The following PCDHGA6 variants were observed in gnomAD, a reference collection of about 807,000 sequenced individuals.
PCDHGA6 encodes protocadherin gamma subfamily A, 6.
In PCDHGA6, 41 loss-of-function variants were observed where a neutral mutation model predicts 60.6. That is an observed-to-expected ratio of 0.68 (90% CI 0.53 to 0.88). The LOEUF (loss-of-function observed/expected upper bound fraction) is 0.88. Among genes scored for constraint, PCDHGA6 ranks in the 40% least tolerant of loss-of-function variants. The probability of loss-of-function intolerance (pLI) is 0.00; values close to 1 mark genes in which losing one functional copy is unlikely to be tolerated. For synonymous variants in PCDHGA6, 594 were observed against 524.4 expected (o/e 1.13, Z -1.81); for missense variants, 1,312 against 1,203.0 (o/e 1.09, Z -1.34).
intron 1 of PCDHGA6, chr5:141,440,087 A>C (rs1014881024): frequency 6.6e-6 from 1 of 152,316 alleles, no homozygotes; most frequent in African/African-American, 2.4e-5. Context: ...CTTCATTCTA[A>C]GTGGGGAAAG....
intron 1 of PCDHGA6, among the ~76,000 whole-genome samples, chr5:141,466,035 C>T (rs10054619): frequency 0.28 from 42,092 of 151,762 alleles, 6,545 homozygotes; most frequent in African/African-American, 0.42. Flanking sequence ...GGCAGGAGAA[C>T]GGCATGAACC....
At chr5:141,426,655 A>C (rs2096950037) in intron 1 of PCDHGA6, 1 of 424,748 alleles carries the variant, frequency 2.4e-6, no homozygotes, top group Non-Finnish European at 4.8e-6. Flanking sequence ...ATGATAGAAG[A>C]TATAAATGAT....
At chr5:141,404,221 T>C (rs1028021504) in intron 1 of PCDHGA6, 2 of 1,613,766 alleles carry the variant, frequency 1.2e-6, no homozygotes, top group Non-Finnish European at 1.7e-6. Context: ...TCACGGTGAC[T>C]GCAACAGACA....
rs1488042504 is a variant in PCDHGA6, at chr5:141,511,552, T to C, written c.*379T>C. ...CCTCCTCCCCACCCCACTCCAACAG[T>C]TCCTCTTTCCCGAGTAAGGTGGTTG... On this transcript the variant is annotated 3_prime_UTR_variant, in exon 4 of 4. Coordinates refer to ENST00000517434, the MANE Select transcript of PCDHGA6 (RefSeq NM_018919.3). 1.3e-5 allele frequency: 4 copies of C among 304,316 alleles called. No individual in the cohort carries two copies. The highest frequency in any genetic ancestry group is 2.6e-5 in the Non-Finnish European group (4 of 156,548). The allele number at this position is 304,316 out of a possible 1,614,324, so 18.9% of individuals were successfully genotyped here.
intron 1 of PCDHGA6, chr5:141,393,813 C>G (rs376904307): frequency 1.2e-6 from 2 of 1,613,814 alleles, no homozygotes; most frequent in Non-Finnish European, 8.5e-7. Flanking sequence ...GACCAAATTG[C>G]TCATTTCGGT....
At position 141,485,971 on chromosome 5, in the gene PCDHGA6, C is replaced by T; in HGVS notation, c.2425-8836C>T. On this transcript the variant is annotated intron_variant, in intron 1 of 3. Transcript: ENST00000517434. This position sits in a 1 kb window ranked among gnomAD's most constrained non-coding sequence, Gnocchi z 5.7. Reference sequence around the variant, plus strand: ...GCATGGTGCTCATCCAGCTCAATGCCTCAGACCCGGACCTGGGTCCCAGTG... The same window carrying T: ...GCATGGTGCTCATCCAGCTCAATGCTTCAGACCCGGACCTGGGTCCCAGTG... The T allele has an allele frequency of 6.2e-7, 1 of 1,614,196 alleles. No individual in the cohort carries two copies. The highest frequency in any genetic ancestry group is 8.5e-7 in the Non-Finnish European group (1 of 1,180,042).
rs964965013 is a variant in PCDHGA6 at position 141,489,097 on chromosome 5, C to G, written c.2425-5710C>G. The G allele has an allele frequency of 6.4e-6, 2 of 313,448 alleles. No homozygotes were observed. The highest frequency in any genetic ancestry group is 1.1e-4 in the South Asian group (2 of 18,596). 19.4% of individuals were successfully genotyped at this position (313,448 alleles called of 1,614,324 possible). The stretch of plus-strand genomic sequence containing the variant: ...ACCCCCGCCACTCGGTGACTAAGAA[C>G]TGCTGCAAGCAGGCAAACCTCCGAG... On this transcript the variant is annotated intron_variant, in intron 1 of 3. Coordinates refer to ENST00000517434, the MANE Select transcript of PCDHGA6 (RefSeq NM_018919.3). This position sits in a 1 kb window ranked among gnomAD's most constrained non-coding sequence, Gnocchi z 4.5.
At chr5:141,421,371 T>C in intron 1 of PCDHGA6, 2 of 1,614,028 alleles carry the variant, frequency 1.2e-6, no homozygotes, top group Non-Finnish European at 1.7e-6. Flanking sequence ...TCGTGGGCAA[T>C]ATCTCCAAGG....
intron 1 of PCDHGA6, chr5:141,400,570 T>C: frequency 6.2e-7 from 1 of 1,612,974 alleles, no homozygotes; most frequent in Non-Finnish European, 8.5e-7. Context: ...CACCCAATTT[T>C]CTGTATTTAC....
At position 141,422,501 on chromosome 5, in the gene PCDHGA6, C is replaced by T. The variant is rs1343881573; in HGVS notation, c.2424+45994C>T. On this transcript the variant is annotated intron_variant, in intron 1 of 3. Coordinates refer to ENST00000517434, the MANE Select transcript of PCDHGA6 (RefSeq NM_018919.3). ...CAGAGCTACAATATAACGTTGACAGCCACAGACCAGGGAAGCCCGCCTTTG... is the reference window on the plus strand; with the variant it reads ...CAGAGCTACAATATAACGTTGACAGTCACAGACCAGGGAAGCCCGCCTTTG... 9.3e-6 allele frequency: 15 copies of T among 1,613,810 alleles called. No individual in the cohort carries two copies. The highest frequency in any genetic ancestry group is 1.3e-5 in the Non-Finnish European group (15 of 1,179,872).
intron 1 of PCDHGA6, among the ~76,000 whole-genome samples, chr5:141,425,293 T>A (rs1332220576): frequency 1.3e-5 from 2 of 152,172 alleles, no homozygotes; most frequent in African/African-American, 4.8e-5. Context: ...TTATAAAACC[T>A]CATCTAAACT....
In PCDHGA6 at chr5:141,476,908, A is replaced by G. The variant is rs754076231; in HGVS notation, c.2425-17899A>G. 6.2e-7 allele frequency: 1 copy of G among 1,614,050 alleles called. No individual in the cohort carries two copies. The highest frequency in any genetic ancestry group is 8.5e-7 in the Non-Finnish European group (1 of 1,180,038). On this transcript the variant is annotated intron_variant, in intron 1 of 3. Coordinates refer to ENST00000517434, the MANE Select transcript of PCDHGA6 (RefSeq NM_018919.3). This position sits in a 1 kb window ranked among gnomAD's most constrained non-coding sequence, Gnocchi z 7.6. ...ATGCACCCTCCGGCACGCGCGTGGT[A>G]CAAGTCCTTGCAACGGATCTGGATG...
chr5:141,398,781 A>G, intron 1 of PCDHGA6: 1 of 1,613,934 alleles, frequency 6.2e-7, no homozygotes, highest in South Asian at 1.1e-5. Flanking sequence ...TGGACGGTGG[A>G]CATCCACCCC....
In PCDHGA6 at chr5:141,409,552, A is replaced by C. The variant is rs777125488; in HGVS notation, c.2424+33045A>C. On this transcript the variant is annotated intron_variant, in intron 1 of 3. Transcript: ENST00000517434. ...TCGCTGACATCAACGACAACGCCCC[A>C]GTTTTCGACCAGACGTCCTACGTGG... 9 of 1,613,844 alleles carry C rather than the reference A, an allele frequency of 5.6e-6. No homozygotes were observed. The East Asian group carries it at 1.1e-4, about 20-fold the overall frequency.
intron 1 of PCDHGA6, among the ~76,000 whole-genome samples, chr5:141,481,761 G>A (rs984825493): frequency 2.6e-5 from 4 of 152,234 alleles, no homozygotes; most frequent in Non-Finnish European, 2.9e-5. Context: ...AGACCAGCCT[G>A]GCCAACATGG....
intron 1 of PCDHGA6, chr5:141,410,576 C>T (rs533810160): frequency 8.7e-6 from 14 of 1,611,152 alleles, no homozygotes; most frequent in Non-Finnish European, 1.2e-5. Context: ...AATTCCACCT[C>T]ATGGTGGGGA....
At chr5:141,430,936 C>T (rs2097327732) in intron 1 of PCDHGA6, 4 of 1,606,984 alleles carry the variant, frequency 2.5e-6, no homozygotes, top group Admixed American at 3.4e-5. Flanking sequence ...CCCGGGAGCT[C>T]GCGGAGCGCG....
At chr5:141,464,227 T>C (rs539811399) in intron 1 of PCDHGA6, among the ~76,000 whole-genome samples, 58 of 147,282 alleles carry the variant, frequency 3.9e-4, no homozygotes, top group Admixed American at 2.5e-3. Flanking sequence ...ATTGCGCCAC[T>C]GCACTCCAGC....
Position 141,384,211 on chromosome 5 carries a change from A to G in PCDHGA6, c.2424+7704A>G, listed in dbSNP as rs1779844245. On this transcript the variant is annotated intron_variant, in intron 1 of 3. Transcript: ENST00000517434. The stretch of plus-strand genomic sequence containing the variant: ...TCCTCCCTTGTCCAGGGAAACTCAC[A>G]TATTCATGCAGGTGGCAGACACCAA... The G allele has an allele frequency of 6.2e-7, 1 of 1,613,880 alleles. No individual in the cohort carries two copies. Among genetic ancestry groups the G allele is most frequent in the Non-Finnish European group, 8.5e-7 (1 of 1,179,872 alleles).
Sources: allele counts gnomAD v4.1 joint callset (sites outside exome capture counted in the v4.1 genomes callset), GRCh38; gene constraint gnomAD v4.1.1; non-coding constraint Gnocchi (gnomAD v3.1); transcripts MANE v1.5; gene names NCBI Gene and HGNC (gene_info 2026-07-23, HGNC 2026-07-21).